PEPD: variants seen among roughly 807,000 people sequenced by gnomAD.
The protein encoded by PEPD is xaa-Pro dipeptidase.
PEPD carries 53 observed loss-of-function variants against 60.7 expected under a neutral mutation model. The observed-to-expected ratio is 0.87, with a 90% CI of 0.70 to 1.10. The LOEUF (loss-of-function observed/expected upper bound fraction) is 1.10. PEPD is among the 50% of genes least tolerant of loss of function. PEPD has a pLI of 0.00. For synonymous variants in PEPD, 267 were observed against 284.1 expected (o/e 0.94, Z 0.60); for missense variants, 711 against 711.9 (o/e 1.00, Z 0.01).
At chr19:33,503,497 G>A (rs945337822) in intron 3 of PEPD, among the ~76,000 whole-genome samples, 1 of 152,150 alleles carries the variant, frequency 6.6e-6, no homozygotes. Flanking sequence ...GATGACGAGC[G>A]CCTCGCCTGG....
intron 9 of PEPD, among the ~76,000 whole-genome samples, chr19:33,453,967 G>A (rs1392857331): frequency 6.6e-6 from 1 of 152,070 alleles, no homozygotes; most frequent in Non-Finnish European, 1.5e-5. Flanking sequence ...GTACTGGGAT[G>A]CCTCACTGGC....
chr19:33,416,276 T>C (rs1414177707), intron 9 of PEPD, among the ~76,000 whole-genome samples: 2 of 152,146 alleles, frequency 1.3e-5, no homozygotes, highest in African/African-American at 4.8e-5. Flanking sequence ...CGACATGCCA[T>C]GGCAGTGGCA....
At chr19:33,434,561 G>A (rs1969338304) in intron 9 of PEPD, among the ~76,000 whole-genome samples, 2 of 152,006 alleles carry the variant, frequency 1.3e-5, no homozygotes, top group South Asian at 4.2e-4. Flanking sequence ...AGGCGGGAAT[G>A]GGGTTCTCCT....
At chr19:33,484,660 T>C (rs926905945) in intron 6 of PEPD, among the ~76,000 whole-genome samples, 4 of 151,796 alleles carry the variant, frequency 2.6e-5, no homozygotes, top group African/African-American at 9.7e-5. Context: ...TACACACACA[T>C]ACTCAGACAG....
intron 9 of PEPD, among the ~76,000 whole-genome samples, chr19:33,456,785 C>T (rs967396480): frequency 4.6e-5 from 7 of 152,064 alleles, no homozygotes; most frequent in African/African-American, 1.7e-4. Context: ...ACTGCAGCAC[C>T]CTTTGTGGGG....
At chr19:33,496,485 C>G (rs1001967499) in intron 4 of PEPD, among the ~76,000 whole-genome samples, 45 of 152,202 alleles carry the variant, frequency 3.0e-4, no homozygotes, top group African/African-American at 1.1e-3. Context: ...CTGGCAGCTC[C>G]ACCCGCCCTT....
chr19:33,485,322 G>A (rs1179953803), intron 6 of PEPD, among the ~76,000 whole-genome samples: 3 of 152,020 alleles, frequency 2.0e-5, no homozygotes, highest in African/African-American at 7.3e-5. Context: ...GGTGAACGCT[G>A]TCTCTACTAA....
intron 3 of PEPD, among the ~76,000 whole-genome samples, chr19:33,506,642 C>T (rs1970818111): frequency 6.8e-6 from 1 of 146,862 alleles, no homozygotes; most frequent in African/African-American, 2.5e-5. Context: ...ACAGCACACA[C>T]ATGCCCACAC....
chr19:33,445,452 A>G (rs1008374744), intron 9 of PEPD, among the ~76,000 whole-genome samples: 3 of 152,182 alleles, frequency 2.0e-5, no homozygotes, highest in Non-Finnish European at 2.9e-5. Flanking sequence ...GGCAGGCCTA[A>G]TCCACTCTGA....
chr19:33,482,656 A>G (rs1379719514), intron 6 of PEPD, among the ~76,000 whole-genome samples: 1 of 152,224 alleles, frequency 6.6e-6, no homozygotes, highest in African/African-American at 2.4e-5. Flanking sequence ...TTCCACTTCT[A>G]GGTATATACC....
chr19:33,477,970 G>T (rs565998298), intron 7 of PEPD, 76 bp downstream of exon 7: 3 of 963,698 alleles, frequency 3.1e-6, no homozygotes, highest in African/African-American at 1.6e-5. Flanking sequence ...AGACGGTGTG[G>T]GCAGGAACAA....
intron 11 of PEPD, among the ~76,000 whole-genome samples, chr19:33,410,056 G>A (rs546059729): frequency 3.9e-5 from 6 of 152,364 alleles, no homozygotes; most frequent in South Asian, 2.1e-4. Flanking sequence ...CCCACCATTT[G>A]TGGGGCTCAC....
At chr19:33,394,297 C>T (rs1434862012) in intron 12 of PEPD, among the ~76,000 whole-genome samples, 24 of 152,284 alleles carry the variant, frequency 1.6e-4, no homozygotes, top group Admixed American at 1.4e-3. Context: ...CAGTGGGCTA[C>T]GTTCTTGGCC....
intron 3 of PEPD, among the ~76,000 whole-genome samples, chr19:33,504,945 C>T (rs958820407): frequency 6.6e-6 from 1 of 152,102 alleles, no homozygotes; most frequent in African/African-American, 2.4e-5. Context: ...CAGTTGGGCC[C>T]TGGCATGGAT....
At chr19:33,460,771 T>C (rs1969911102) in intron 9 of PEPD, among the ~76,000 whole-genome samples, 1 of 152,178 alleles carries the variant, frequency 6.6e-6, no homozygotes, top group Non-Finnish European at 1.5e-5. Context: ...AGGCTGCTCC[T>C]GGCTGAGAGC....
intron 5 of PEPD, among the ~76,000 whole-genome samples, chr19:33,490,665 TTTAC>T (rs996785077): frequency 2.4e-4 from 36 of 152,100 alleles, no homozygotes; most frequent in African/African-American, 8.7e-4. Context: ...TTTCATTTAT[TTTAC>T]TTATTTTTTT....
At position 33,503,308 on chromosome 19, in the gene PEPD, T is replaced by C. The variant is rs530587430; in HGVS notation, c.330-2307A>G. 3.3e-5 allele frequency among the ~76,000 whole-genome samples: 5 copies of C among 152,362 alleles called. No individual in the cohort carries two copies. In the South Asian group the frequency reaches 1.0e-3, roughly 32 times the overall value. On this transcript the variant is annotated intron_variant, in intron 3 of 14. Coordinates refer to ENST00000244137, the MANE Select transcript of PEPD (RefSeq NM_000285.4). ...GCTCAGTGCAGCCCACAATGCCCTT[T>C]GCTTTCTCTCCCTTTTGGCTTCTCT...
At chr19:33,408,393 T>C (rs565395852) in intron 11 of PEPD, among the ~76,000 whole-genome samples, 1 of 152,342 alleles carries the variant, frequency 6.6e-6, no homozygotes, top group African/African-American at 2.4e-5. Context: ...AGGTGGCCAC[T>C]GCGAGAGAGG....
At chr19:33,433,337 G>C (rs1969311158) in intron 9 of PEPD, among the ~76,000 whole-genome samples, 1 of 152,140 alleles carries the variant, frequency 6.6e-6, no homozygotes, top group African/African-American at 2.4e-5. Flanking sequence ...CTGCCAAGGG[G>C]GCACGCCCAC....
Sources: gnomAD v4.1 joint callset for allele counts (sites outside exome capture counted in the v4.1 genomes callset) on GRCh38, gnomAD v4.1.1 for gene constraint, MANE v1.5 for transcripts, NCBI Gene and HGNC (gene_info 2026-07-23, HGNC 2026-07-21) for gene names.